The following AP5M1 variants were observed in gnomAD, a reference collection of about 807,000 sequenced individuals.
AP5M1 encodes the protein adaptor related protein complex 5 subunit mu 1, also known as AP-5 complex subunit mu-1.
Under a neutral mutation model 52.3 loss-of-function variants are expected in AP5M1, and 44 were observed. That is an observed-to-expected ratio of 0.84 (90% confidence interval 0.66 to 1.08). The LOEUF is 1.08. Among genes scored for constraint, AP5M1 ranks in the 50% least tolerant of loss-of-function variants. AP5M1 has a pLI of 0.00. For synonymous variants in AP5M1, 213 were observed against 199.0 expected (o/e 1.07, Z -0.59); for missense variants, 526 against 568.4 (o/e 0.93, Z 0.76).
At chr14:57,270,274 T>C (rs1884854988) in intron 1 of AP5M1, among the ~76,000 whole-genome samples, 1 of 152,226 alleles carries the variant, frequency 6.6e-6, no homozygotes, top group Non-Finnish European at 1.5e-5. Context: ...GTAATCAAAA[T>C]AGCTCTGTTA....
Position 57,274,798 on chromosome 14 carries a change from C to T in AP5M1, c.629C>T (p.Ser210Phe). ...TGTYKGKPQV[S>F]ISITEKVKSM... ...ACGTACAAAGGAAAACCACAAGTTT[C>T]TATTTCTATCACTGAAAAGGTAAAA... Residue 210 changes from serine to phenylalanine, a missense_variant, in exon 2 of 8, where the codon TCT becomes TTT. By Grantham distance (155) the Ser-to-Phe change is radical. This residue lies in a region of AP5M1 where 425 missense variants were observed against 430.6 expected (regional missense o/e 0.99). Transcript: ENST00000261558. 1 of 1,614,160 alleles carries T rather than the reference C, an allele frequency of 6.2e-7. No individual in the cohort carries two copies. The highest frequency in any genetic ancestry group is 8.5e-7 in the Non-Finnish European group (1 of 1,180,022).
intron 2 of AP5M1, 76 bp from the exon 3 acceptor site, chr14:57,280,113 ATGACTT>A (rs1885135094): frequency 3.0e-6 from 3 of 991,886 alleles, no homozygotes; most frequent in Admixed American, 1.9e-5. Flanking sequence ...ATTGGGGAAA[ATGACTT>A]TGATAAATTT....
At position 57,293,122 on chromosome 14, in the gene AP5M1, A is replaced by G. The variant is rs1396969308; in HGVS notation, c.*4238A>G. ...ACAGTATTTTGAGAAAGAAAAGGTAATGTTTCATGGTAGGTTTCTCAATTT... is the reference window on the plus strand; with the variant it reads ...ACAGTATTTTGAGAAAGAAAAGGTAGTGTTTCATGGTAGGTTTCTCAATTT... On this transcript the variant is annotated 3_prime_UTR_variant, in exon 8 of 8. Transcript: ENST00000261558. 1.3e-5 allele frequency: 2 copies of G among 151,750 alleles called. No homozygotes were observed. Among genetic ancestry groups the G allele is most frequent in the East Asian group, 1.9e-4 (1 of 5,168 alleles). 9.4% of individuals were successfully genotyped at this position (151,750 alleles called of 1,614,324 possible). A position where few individuals can be genotyped will look rare whatever the true frequency, so the allele number is the denominator to read the frequency against.
Position 57,288,890 on chromosome 14 carries a change from T to G in AP5M1, c.*6T>G, listed in dbSNP as rs1885374488. ...ATGGATCATTATTATTGTAATAGTCTCATGTTTAAATGGGATTATATAATG... is the reference window on the plus strand; with the variant it reads ...ATGGATCATTATTATTGTAATAGTCGCATGTTTAAATGGGATTATATAATG... On this transcript the variant is annotated 3_prime_UTR_variant, in exon 8 of 8. Transcript: ENST00000261558. The G allele has an allele frequency of 6.8e-7, 1 of 1,471,566 alleles. No individual in the cohort carries two copies. The highest frequency in any genetic ancestry group is 1.4e-5 in the African/African-American group (1 of 71,068). The allele number at this position is 1,471,566 out of a possible 1,614,324, so 91.2% of individuals were successfully genotyped here.
chr14:57,290,297 GAAAA>G lies in AP5M1; in HGVS notation c.*1417_*1420del. On this transcript the variant is annotated 3_prime_UTR_variant, in exon 8 of 8. Coordinates refer to ENST00000261558, the MANE Select transcript of AP5M1 (RefSeq NM_018229.4). ...GTTCAAAATTATCCCAAGTAACAAA[GAAAA>G]AAAGAATAACTGCCTGACCAGGATT... is the stretch of plus-strand genomic sequence containing the variant. The G allele has an allele frequency of 6.6e-6, 1 of 151,846 alleles. No individual in the cohort carries two copies. The highest frequency in any genetic ancestry group is 1.5e-5 in the Non-Finnish European group (1 of 67,812). 9.4% of individuals were successfully genotyped at this position (151,846 alleles called of 1,614,324 possible).
rs922299407 is a variant in AP5M1, at chr14:57,289,624, A to G, written c.*740A>G. Reference sequence around the variant, plus strand: ...TCAGTAGCCATATTAAGATGTGTAGAATACCTTCAGAAGATGATCATAGTG... The same window carrying G: ...TCAGTAGCCATATTAAGATGTGTAGGATACCTTCAGAAGATGATCATAGTG... On this transcript the variant is annotated 3_prime_UTR_variant, in exon 8 of 8. Coordinates refer to ENST00000261558, the MANE Select transcript of AP5M1 (RefSeq NM_018229.4). The G allele has an allele frequency of 1.3e-5, 2 of 152,048 alleles. No homozygotes were observed. The highest frequency in any genetic ancestry group is 2.9e-5 in the Non-Finnish European group (2 of 67,964). The allele number at this position is 152,048 out of a possible 1,614,324, so 9.4% of individuals were successfully genotyped here.
In AP5M1 at chr14:57,296,526, A is replaced by G. The variant is rs546906155; in HGVS notation, c.*7642A>G. 6.6e-6 allele frequency: 1 copy of G among 152,252 alleles called. No homozygotes were observed. The highest frequency in any genetic ancestry group is 1.9e-4 in the East Asian group (1 of 5,184). 9.4% of individuals were successfully genotyped at this position (152,252 alleles called of 1,614,324 possible). A position where few individuals can be genotyped will look rare whatever the true frequency, so the allele number is the denominator to read the frequency against. ...TTTAATCTAAAATAAAGTAGATGCC[A>G]CGCTTCTAATTCTGCTTTTGCTAAG... On this transcript the variant is annotated 3_prime_UTR_variant, in exon 8 of 8. Transcript: ENST00000261558.
intron 2 of AP5M1, chr14:57,275,217 A>G: frequency 1.5e-5 from 5 of 340,022 alleles, no homozygotes; most frequent in South Asian, 1.0e-4. Context: ...GGCTATAGTC[A>G]TCTGAAGGTC....
rs1673469007 is a variant in AP5M1, at chr14:57,292,601, A to G, written c.*3717A>G. 6.6e-6 allele frequency: 1 copy of G among 151,846 alleles called. No individual in the cohort carries two copies. Among genetic ancestry groups the G allele is most frequent in the Non-Finnish European group, 1.5e-5 (1 of 67,812 alleles). 9.4% of individuals were successfully genotyped at this position (151,846 alleles called of 1,614,324 possible). A position where few individuals can be genotyped will look rare whatever the true frequency, so the allele number is the denominator to read the frequency against. On this transcript the variant is annotated 3_prime_UTR_variant, in exon 8 of 8. Coordinates refer to ENST00000261558, the MANE Select transcript of AP5M1 (RefSeq NM_018229.4). ...ATTAGGAAACATAGGCTTTGAAGAAAGAAGAAACAAAGACTACATTCTAAG... is the reference window on the plus strand; with the variant it reads ...ATTAGGAAACATAGGCTTTGAAGAAGGAAGAAACAAAGACTACATTCTAAG...
Position 57,274,545 on chromosome 14 carries a change from A to T in AP5M1, c.376A>T (p.Ser126Cys), listed in dbSNP as rs376138884. The T allele has an allele frequency of 6.8e-4, 1,098 of 1,614,204 alleles. 19 individuals are homozygous for T. In the South Asian group the frequency reaches 0.011, roughly 17 times the overall value. Residue 126 changes from serine (S) to cysteine (C), a missense_variant, in exon 2 of 8, where the codon AGT (serine) becomes TGT (cysteine). Physicochemically the swap from Ser to Cys is moderately radical, Grantham distance 112. This residue lies in a region of AP5M1 where 425 missense variants were observed against 430.6 expected (regional missense o/e 0.99). Coordinates refer to ENST00000261558, the MANE Select transcript of AP5M1 (RefSeq NM_018229.4). ...LSPRPPLISV[S>C]GVSQGFEFLF... ...CCCTCGTCCGCCACTAATTAGTGTCAGTGGAGTTTCACAAGGCTTTGAATT... is the reference window on the plus strand; with the variant it reads ...CCCTCGTCCGCCACTAATTAGTGTCTGTGGAGTTTCACAAGGCTTTGAATT...
Position 57,269,279 on chromosome 14 carries a change from A to C in AP5M1, c.-36A>C. The stretch of plus-strand genomic sequence containing the variant: ...TGCGCTGTTCCTCGGTGGCGACCTT[A>C]ATTATGAGATGAGCTAATGCTTTAC... On this transcript the variant is annotated 5_prime_UTR_variant, in exon 1 of 8. Coordinates refer to ENST00000261558, the MANE Select transcript of AP5M1 (RefSeq NM_018229.4). 3 of 1,606,930 alleles carry C rather than the reference A, an allele frequency of 1.9e-6. No homozygotes were observed. Among genetic ancestry groups the C allele is most frequent in the Non-Finnish European group, 2.6e-6 (3 of 1,174,382 alleles).
intron 1 of AP5M1, among the ~76,000 whole-genome samples, chr14:57,272,703 C>T (rs1884923832): frequency 6.6e-6 from 1 of 152,020 alleles, no homozygotes; most frequent in Non-Finnish European, 1.5e-5. Flanking sequence ...AGAGATTGGA[C>T]TAGAGTTTAG....
chr14:57,297,415 A>C lies in AP5M1; in HGVS notation c.*8531A>C, dbSNP rs1471221478. The stretch of plus-strand genomic sequence containing the variant: ...TATAAGGAAAATATATATGTGAAGA[A>C]ATGTTAGGTAATCTAACATTTGTAT... On this transcript the variant is annotated 3_prime_UTR_variant, in exon 8 of 8. Coordinates refer to ENST00000261558, the MANE Select transcript of AP5M1 (RefSeq NM_018229.4). 6.6e-6 allele frequency: 1 copy of C among 152,124 alleles called. No homozygotes were observed. The highest frequency in any genetic ancestry group is 1.5e-5 in the Non-Finnish European group (1 of 68,028). 9.4% of individuals were successfully genotyped at this position (152,124 alleles called of 1,614,324 possible). A position where few individuals can be genotyped will look rare whatever the true frequency, so the allele number is the denominator to read the frequency against.
At chr14:57,278,868 C>CA (rs1258950332) in intron 2 of AP5M1, among the ~76,000 whole-genome samples, 1 of 152,078 alleles carries the variant, frequency 6.6e-6, no homozygotes, top group Non-Finnish European at 1.5e-5. Flanking sequence ...AAAAAGTGGG[C>CA]AAAAGGCATG....
chr14:57,284,571 A>C (rs997531296), intron 6 of AP5M1, among the ~76,000 whole-genome samples: 26 of 152,178 alleles, frequency 1.7e-4, no homozygotes, highest in African/African-American at 6.3e-4. Flanking sequence ...AAGAGAAAAG[A>C]AGGGAGAAGG....
chr14:57,288,200 T>G (rs767212012), intron 7 of AP5M1, among the ~76,000 whole-genome samples: 23 of 151,526 alleles, frequency 1.5e-4, no homozygotes, highest in Non-Finnish European at 2.4e-4. Context: ...TATATATATA[T>G]AAAGAATTTA....
chr14:57,286,983 GTACACACACACA>G (rs1292373251), intron 7 of AP5M1, among the ~76,000 whole-genome samples: 1 of 134,764 alleles, frequency 7.4e-6, no homozygotes, highest in Non-Finnish European at 1.5e-5. Flanking sequence ...CTATATGTGT[GTACACACACACA>G]TACACACACA....
Position 57,281,842 on chromosome 14 carries a change from G to A in AP5M1, c.949-247G>A, listed in dbSNP as rs955715460. Among the ~76,000 whole-genome samples, 10 of 152,140 alleles carry A rather than the reference G, an allele frequency of 6.6e-5. No individual in the cohort carries two copies. In the East Asian group the frequency reaches 9.6e-4, roughly 15 times the overall value. ...GCGGCAGATCAGAGAACATGGAGAC[G>A]GGGAGCCTGGACGAGCAAGTATAGG... On this transcript the variant is annotated intron_variant, in intron 3 of 7. Coordinates refer to ENST00000261558, the MANE Select transcript of AP5M1 (RefSeq NM_018229.4).
At chr14:57,269,607 G>A (rs1334758179) in intron 1 of AP5M1, among the ~76,000 whole-genome samples, 1 of 152,058 alleles carries the variant, frequency 6.6e-6, no homozygotes, top group East Asian at 1.9e-4. Context: ...ATTATTTACG[G>A]TATATGTTTT....
Sources: allele counts gnomAD v4.1 joint callset (sites outside exome capture counted in the v4.1 genomes callset), GRCh38; gene constraint gnomAD v4.1.1; regional missense constraint gnomAD v4.1.1; transcripts MANE v1.5; gene names NCBI Gene and HGNC (gene_info 2026-07-23, HGNC 2026-07-21).